The following C5orf47 variants were observed in gnomAD, a reference collection of about 807,000 sequenced individuals.
The protein encoded by C5orf47 is uncharacterized protein C5orf47.
In C5orf47, 20 loss-of-function variants were observed where a neutral mutation model predicts 20.6. The ratio of observed to expected loss-of-function variants is 0.97; its 90% confidence interval spans 0.68 to 1.41. The LOEUF is 1.41. Ranked by LOEUF, C5orf47 falls within the 40% of genes most tolerant of loss-of-function variation. The probability of loss-of-function intolerance (pLI) is 0.00; values close to 1 mark genes in which losing one functional copy is unlikely to be tolerated. For synonymous variants in C5orf47, 106 were observed against 97.3 expected, an observed-to-expected ratio of 1.09 and a Z score of -0.53; for missense variants, 262 against 238.4, an observed-to-expected ratio of 1.10 and a Z score of -0.65.
In C5orf47 at chr5:173,989,415, A is replaced by C; in HGVS notation, c.152A>C (p.Gln51Pro). Residue 51 changes from glutamine to proline, a missense_variant, in exon 1 of 5, where the codon CAG (glutamine) becomes CCG (proline). Transcript: ENST00000340147. ...WGQGPGAGCRQEKPREAMAVA... is the reference protein window; with the variant it reads ...WGQGPGAGCRPEKPREAMAVA... Reference sequence around the variant, plus strand: ...CAGGGGCCTGGGGCAGGCTGTCGCCAGGAGAAGCCGAGGGAAGCAATGGCG... The same window carrying C: ...CAGGGGCCTGGGGCAGGCTGTCGCCCGGAGAAGCCGAGGGAAGCAATGGCG... 6.5e-7 allele frequency: 1 copy of C among 1,547,890 alleles called. No homozygotes were observed. Among genetic ancestry groups the C allele is most frequent in the Admixed American group, 2.0e-5 (1 of 50,562 alleles).
chr5:173,989,701 G>C, intron 1 of C5orf47, 113 bp downstream of exon 1: 1 of 992,628 alleles, frequency 1.0e-6, no homozygotes, highest in Non-Finnish European at 1.4e-6. Flanking sequence ...CAGCTTTCCT[G>C]TCAGGCCGTG....
chr5:173,998,249 G>T lies in C5orf47; in HGVS notation c.411+11G>T. ...AAGAAAAAGAAAAAGGTATATTGCT[G>T]TAAAGGAGAATGAGCAATATTTGAA... On this transcript the variant is annotated intron_variant, in intron 2 of 4. Transcript: ENST00000340147. The T allele has an allele frequency of 7.2e-7, 1 of 1,394,124 alleles. No homozygotes were observed. Among genetic ancestry groups the T allele is most frequent in the African/African-American group, 1.4e-5 (1 of 69,126 alleles). The allele number at this position is 1,394,124 out of a possible 1,614,324, so 86.4% of individuals were successfully genotyped here.
rs1443120802 is a variant in C5orf47 at position 173,989,418 on chromosome 5, A to T, written c.155A>T (p.Glu52Val). 1.3e-6 allele frequency: 2 copies of T among 1,548,216 alleles called. No homozygotes were observed. The highest frequency in any genetic ancestry group is 4.0e-5 in the Admixed American group (2 of 50,612). The change falls in exon 1 of 5, where the codon GAG becomes GTG. Residue 52 changes from glutamate to valine, a missense_variant. Glu to Val is a moderately radical substitution (Grantham distance 121, BLOSUM62 -2). Coordinates refer to ENST00000340147, the MANE Select transcript of C5orf47 (RefSeq NM_001144954.2). ...GQGPGAGCRQ[E>V]KPREAMAVAG... ...GGGCCTGGGGCAGGCTGTCGCCAGG[A>T]GAAGCCGAGGGAAGCAATGGCGGTG...
At chr5:174,001,660 G>A (rs559314621) in intron 4 of C5orf47, among the ~76,000 whole-genome samples, 2 of 152,028 alleles carry the variant, frequency 1.3e-5, no homozygotes, top group African/African-American at 4.8e-5. Context: ...GTATCCTGTA[G>A]GCTGTGTTAT....
At chr5:173,996,321 C>T (rs752449862) in intron 1 of C5orf47, among the ~76,000 whole-genome samples, 1 of 152,198 alleles carries the variant, frequency 6.6e-6, no homozygotes, top group African/African-American at 2.4e-5. Flanking sequence ...GAGCTAGTCT[C>T]AGTACAATAC....
At chr5:173,999,313 A>G (rs1759154857) in intron 2 of C5orf47, among the ~76,000 whole-genome samples, 1 of 152,190 alleles carries the variant, frequency 6.6e-6, no homozygotes, top group Non-Finnish European at 1.5e-5. Context: ...GGAATAAAAT[A>G]TGTTTAAAAA....
At chr5:174,004,224 G>A (rs1478212822) in intron 4 of C5orf47, 47 bp from the exon 5 acceptor site, 1 of 152,230 alleles carries the variant, frequency 6.6e-6, no homozygotes, top group Admixed American at 6.6e-5. Flanking sequence ...TACGGATGAT[G>A]ATATTTTATA....
At chr5:173,998,103 T>C (rs1438954373) in intron 1 of C5orf47, 50 bp from the exon 2 acceptor site, 2 of 1,059,896 alleles carry the variant, frequency 1.9e-6, no homozygotes, top group African/African-American at 1.6e-5. Flanking sequence ...TATTTTCAGA[T>C]AGTAAATCCT....
chr5:173,995,267 C>T (rs1375836144), intron 1 of C5orf47, among the ~76,000 whole-genome samples: 2 of 152,142 alleles, frequency 1.3e-5, no homozygotes, highest in Admixed American at 1.3e-4. Context: ...GTAGTCTGCT[C>T]TCGAGGGACT....
At chr5:174,000,212 T>C (rs571835638) in intron 3 of C5orf47, among the ~76,000 whole-genome samples, 7 of 152,154 alleles carry the variant, frequency 4.6e-5, no homozygotes, top group Non-Finnish European at 8.8e-5. Context: ...CCATGGAAGC[T>C]ACATTCCTAC....
chr5:173,989,602 G>T lies in C5orf47; in HGVS notation c.325+14G>T. On this transcript the variant is annotated intron_variant, in intron 1 of 4. Coordinates refer to ENST00000340147, the MANE Select transcript of C5orf47 (RefSeq NM_001144954.2). The stretch of plus-strand genomic sequence containing the variant: ...CGGCGCGTGCAGGTGGTGCAGCGGG[G>T]CAGGGCGGGACCGGGCGCGGCGGGG... 4 of 1,423,868 alleles carry T rather than the reference G, an allele frequency of 2.8e-6. No individual in the cohort carries two copies. The South Asian group carries it at 6.0e-5, about 21-fold the overall frequency. The allele number at this position is 1,423,868 out of a possible 1,614,324, so 88.2% of individuals were successfully genotyped here. A position where few individuals can be genotyped will look rare whatever the true frequency, so the allele number is the denominator to read the frequency against.
intron 3 of C5orf47, among the ~76,000 whole-genome samples, chr5:174,000,535 T>C (rs1759177325): frequency 6.6e-6 from 1 of 152,156 alleles, no homozygotes; most frequent in South Asian, 2.1e-4. Context: ...CTATCATGAA[T>C]GTTTCTGTGA....
At chr5:174,008,226 G>C (rs1218832720), downstream of C5orf47, among the ~76,000 whole-genome samples, 8 of 152,278 alleles carry the variant, frequency 5.3e-5, no homozygotes, top group Admixed American at 4.6e-4. Context: ...TGCATGGTAG[G>C]CCTCTTTGTA....
At position 173,998,252 on chromosome 5, in the gene C5orf47, A is replaced by T. The variant is rs1429871139; in HGVS notation, c.411+14A>T. ...AAAAAGAAAAAGGTATATTGCTGTA[A>T]AGGAGAATGAGCAATATTTGAATTT... On this transcript the variant is annotated intron_variant, in intron 2 of 4. Coordinates refer to ENST00000340147, the MANE Select transcript of C5orf47 (RefSeq NM_001144954.2). The T allele has an allele frequency of 3.0e-6, 4 of 1,346,686 alleles. No homozygotes were observed. In the African/African-American group the frequency reaches 4.4e-5, roughly 15 times the overall value. 83.4% of individuals were successfully genotyped at this position (1,346,686 alleles called of 1,614,324 possible).
chr5:174,006,316 G>A (rs1165798344), downstream of C5orf47, among the ~76,000 whole-genome samples: 2 of 152,192 alleles, frequency 1.3e-5, no homozygotes, highest in African/African-American at 4.8e-5. Flanking sequence ...TTCTGCAGTG[G>A]TTGTTTCATG....
Position 174,005,782 on chromosome 5 carries a change from A to G in C5orf47, c.*1528A>G, listed in dbSNP as rs2113378780. The stretch of plus-strand genomic sequence containing the variant: ...TGTTTATATTTATGTGACTTATACA[A>G]CTTGACATAGTAGTCTGTTTTAATT... On this transcript the variant is annotated 3_prime_UTR_variant, in exon 5 of 5. Coordinates refer to ENST00000340147, the MANE Select transcript of C5orf47 (RefSeq NM_001144954.2). The G allele has an allele frequency of 1.3e-5, 2 of 152,468 alleles. No homozygotes were observed. Among genetic ancestry groups the G allele is most frequent in the South Asian group, 4.1e-4 (2 of 4,834 alleles). The allele number at this position is 152,468 out of a possible 1,614,324, so 9.4% of individuals were successfully genotyped here.
At chr5:173,991,773 T>C (rs1351614877) in intron 1 of C5orf47, among the ~76,000 whole-genome samples, 4 of 152,198 alleles carry the variant, frequency 2.6e-5, no homozygotes, top group African/African-American at 7.2e-5. Context: ...TTAGTTTTTC[T>C]TTGTACTCCT....
At chr5:174,001,398 A>G (rs969238669) in intron 4 of C5orf47, among the ~76,000 whole-genome samples, 167 bp downstream of exon 4, 6 of 152,054 alleles carry the variant, frequency 3.9e-5, no homozygotes, top group Admixed American at 1.3e-4. Context: ...TATAATACTT[A>G]CTGACCTTTA....
chr5:173,989,198 G>T lies in C5orf47; in HGVS notation c.-66G>T. 2 of 1,332,414 alleles carry T rather than the reference G, an allele frequency of 1.5e-6. No individual in the cohort carries two copies. Among genetic ancestry groups the T allele is most frequent in the Non-Finnish European group, 1.9e-6 (2 of 1,040,320 alleles). The allele number at this position is 1,332,414 out of a possible 1,614,324, so 82.5% of individuals were successfully genotyped here. A position where few individuals can be genotyped will look rare whatever the true frequency, so the allele number is the denominator to read the frequency against. On this transcript the variant is annotated 5_prime_UTR_variant, in exon 1 of 5. Coordinates refer to ENST00000340147, the MANE Select transcript of C5orf47 (RefSeq NM_001144954.2). ...CGCTCCCGCATCCCTCGCCTGCACAGTGGGCAGTCTGGCGCCTGTGGCGTC... is the reference window on the plus strand; with the variant it reads ...CGCTCCCGCATCCCTCGCCTGCACATTGGGCAGTCTGGCGCCTGTGGCGTC...
Sources: gnomAD v4.1 joint callset for allele counts (sites outside exome capture counted in the v4.1 genomes callset) on GRCh38, gnomAD v4.1.1 for gene constraint, MANE v1.5 for transcripts, NCBI Gene and HGNC (gene_info 2026-07-23, HGNC 2026-07-21) for gene names.